The following CES5A variants were observed in gnomAD, a reference collection of about 807,000 sequenced individuals.
CES5A encodes the protein carboxylesterase 5.
In CES5A, 67 loss-of-function variants were observed where a neutral mutation model predicts 62.9. The ratio of observed to expected loss-of-function variants is 1.07; its 90% CI spans 0.88 to 1.31. The LOEUF is 1.31. CES5A is among the 50% of genes most tolerant of loss of function. CES5A has a pLI of 0.00. For missense variants in CES5A, 748 were observed against 708.5 expected, an observed-to-expected ratio of 1.06 and a Z score of -0.63; for synonymous variants, 296 against 280.8, an observed-to-expected ratio of 1.05 and a Z score of -0.54.
intron 1 of CES5A, among the ~76,000 whole-genome samples, chr16:55,907,784 A>G (rs1440075430): frequency 1.3e-5 from 2 of 152,176 alleles, no homozygotes; most frequent in Non-Finnish European, 2.9e-5. Flanking sequence ...TCGACCTGAC[A>G]GGACAAGTCT....
chr16:55,949,369 G>A (rs74019342), intron 2 of CES5A, among the ~76,000 whole-genome samples: 1,533 of 152,290 alleles, frequency 0.01, 31 homozygotes, highest in African/African-American at 0.034. Flanking sequence ...GGCCGCCAGG[G>A]GCAAAACCAT....
At chr16:55,896,118 A>G (rs2033930233) in intron 1 of CES5A, among the ~76,000 whole-genome samples, 1 of 152,216 alleles carries the variant, frequency 6.6e-6, no homozygotes, top group Non-Finnish European at 1.5e-5. Flanking sequence ...CCTCACAATC[A>G]TGGTAAAAGG....
At chr16:55,951,966 A>G (rs1197192061) in intron 1 of CES5A, among the ~76,000 whole-genome samples, 9 of 152,144 alleles carry the variant, frequency 5.9e-5, no homozygotes, top group African/African-American at 2.2e-4. Flanking sequence ...TCTAATAGAC[A>G]TAGATGTTAA....
chr16:55,908,035 C>A (rs2034055763), intron 1 of CES5A, among the ~76,000 whole-genome samples: 1 of 152,182 alleles, frequency 6.6e-6, no homozygotes, highest in Admixed American at 6.5e-5. Context: ...CCCTCCTAAG[C>A]TATCAGAGTA....
chr16:55,925,610 C>T (rs762665603), upstream of CES5A: 3 of 152,102 alleles, frequency 2.0e-5, no homozygotes, highest in Non-Finnish European at 4.4e-5. Flanking sequence ...ATGGAATCAA[C>T]CTAACTGCTC....
chr16:55,939,263 G>A (rs1287086098), intron 2 of CES5A, among the ~76,000 whole-genome samples: 1 of 152,046 alleles, frequency 6.6e-6, no homozygotes, highest in Non-Finnish European at 1.5e-5. Context: ...TGCAGCTTTG[G>A]GATAGAATAC....
intron 1 of CES5A, among the ~76,000 whole-genome samples, chr16:55,885,175 C>G (rs190613273): frequency 1.9e-4 from 29 of 152,222 alleles, no homozygotes; most frequent in African/African-American, 7.0e-4. Flanking sequence ...ATACTTACAT[C>G]ATTGCACCTC....
chr16:55,912,709 T>A (rs2034107625), intron 1 of CES5A, among the ~76,000 whole-genome samples: 1 of 152,158 alleles, frequency 6.6e-6, no homozygotes, highest in Non-Finnish European at 1.5e-5. Flanking sequence ...AATCCTCTAC[T>A]TTGGCTATAT....
At chr16:55,919,946 G>A (rs1479325659) in intron 1 of CES5A, among the ~76,000 whole-genome samples, 1 of 152,148 alleles carries the variant, frequency 6.6e-6, no homozygotes, top group Non-Finnish European at 1.5e-5. Context: ...AGAAAACTGA[G>A]GTTCAGAAAT....
chr16:55,863,852 G>A (rs1303181031), intron 5 of CES5A, among the ~76,000 whole-genome samples: 1 of 151,610 alleles, frequency 6.6e-6, no homozygotes, highest in Non-Finnish European at 1.5e-5. Context: ...CGACTCCCAG[G>A]TTCAAGTGAT....
chr16:55,920,973 A>T (rs1386353934), intron 1 of CES5A, among the ~76,000 whole-genome samples: 1 of 152,240 alleles, frequency 6.6e-6, no homozygotes, highest in East Asian at 1.9e-4. Flanking sequence ...ATTTTTACTG[A>T]ACTGAAAAAT....
At chr16:55,886,167 T>C (rs2033813473) in intron 1 of CES5A, among the ~76,000 whole-genome samples, 1 of 152,186 alleles carries the variant, frequency 6.6e-6, no homozygotes, top group Non-Finnish European at 1.5e-5. Context: ...CAAAAGATAG[T>C]GATGAGAAAA....
intron 2 of CES5A, among the ~76,000 whole-genome samples, chr16:55,938,666 G>A (rs2034403861): frequency 7.0e-6 from 1 of 143,408 alleles, no homozygotes; most frequent in South Asian, 2.3e-4. Context: ...GAACCCGGGG[G>A]CAGAGCTTGC....
At chr16:55,927,271 A>C (rs2034266799), upstream of CES5A, among the ~76,000 whole-genome samples, 2 of 152,212 alleles carry the variant, frequency 1.3e-5, no homozygotes, top group Admixed American at 1.3e-4. Flanking sequence ...AATGGAGCTT[A>C]ATTAAATGAA....
At chr16:55,870,384 G>A (rs1226847119) in intron 3 of CES5A, among the ~76,000 whole-genome samples, 1 of 152,054 alleles carries the variant, frequency 6.6e-6, no homozygotes, top group East Asian at 1.9e-4. Context: ...GAGAAAGGAT[G>A]AAAAATGAAG....
intron 3 of CES5A, 55 bp downstream of exon 3, chr16:55,871,570 T>G: frequency 6.2e-7 from 1 of 1,603,404 alleles, no homozygotes; most frequent in South Asian, 1.1e-5. Context: ...ACTGCCTGGA[T>G]CCCAGGCCAA....
At chr16:55,874,864 C>T (rs1029115546) in intron 1 of CES5A, among the ~76,000 whole-genome samples, 2 of 152,222 alleles carry the variant, frequency 1.3e-5, no homozygotes, top group Non-Finnish European at 2.9e-5. Context: ...AGCACAGGCT[C>T]TGTTCCTCAC....
intron 1 of CES5A, among the ~76,000 whole-genome samples, chr16:55,896,660 C>T (rs1340253043): frequency 6.6e-6 from 1 of 152,204 alleles, no homozygotes; most frequent in East Asian, 1.9e-4. Context: ...GACTCTTGGC[C>T]AGTGTCTTTC....
intron 1 of CES5A, among the ~76,000 whole-genome samples, chr16:55,914,347 AG>A (rs1373791791): frequency 7.2e-5 from 11 of 152,148 alleles, no homozygotes; most frequent in Non-Finnish European, 2.9e-5. Flanking sequence ...GGACTTAACC[AG>A]GGGGGTTGGC....
Sources: gnomAD v4.1 joint callset for allele counts (sites outside exome capture counted in the v4.1 genomes callset) on GRCh38, gnomAD v4.1.1 for gene constraint, MANE v1.5 for transcripts, NCBI Gene and HGNC (gene_info 2026-07-23, HGNC 2026-07-21) for gene names.